The following CDYL2 variants were observed in gnomAD, a reference collection of about 807,000 sequenced individuals.
CDYL2 encodes chromodomain Y like 2.
Under a neutral mutation model 49.4 loss-of-function variants are expected in CDYL2, and 23 were observed. The ratio of observed to expected loss-of-function variants is 0.47; its 90% confidence interval spans 0.34 to 0.66. CDYL2 has a LOEUF of 0.66. Among genes scored for constraint, CDYL2 ranks in the 30% least tolerant of loss-of-function variants. CDYL2 has a pLI of 0.01. For missense variants in CDYL2, 678 were observed against 656.4 expected, an observed-to-expected ratio of 1.03 and a Z score of -0.36; for synonymous variants, 360 against 268.8, an observed-to-expected ratio of 1.34 and a Z score of -3.32.
In CDYL2 at chr16:80,601,745, T is replaced by C. The variant is rs1016279702; in HGVS notation, c.*2643A>G. The C allele has an allele frequency of 2.6e-5, 4 of 152,176 alleles. No homozygotes were observed. Among genetic ancestry groups the C allele is most frequent in the Non-Finnish European group, 2.9e-5 (2 of 68,040 alleles). 9.4% of individuals were successfully genotyped at this position (152,176 alleles called of 1,614,324 possible). ...AAAGATTTCACCTGCTTTCACCCAA[T>C]TGGTGGAACTGACTGTATGGAAACA... On this transcript the variant is annotated 3_prime_UTR_variant, in exon 7 of 7. Transcript: ENST00000570137.
At chr16:80,633,662 T>C (rs1033458533) in intron 2 of CDYL2, among the ~76,000 whole-genome samples, 1 of 152,104 alleles carries the variant, frequency 6.6e-6, no homozygotes, top group African/African-American at 2.4e-5. Context: ...CACCCTCAAA[T>C]ACATTCACGA....
intron 1 of CDYL2, among the ~76,000 whole-genome samples, chr16:80,748,508 A>T (rs1212264374): frequency 1.3e-5 from 1 of 74,838 alleles, no homozygotes; most frequent in Non-Finnish European, 2.8e-5. Context: ...AACTCCATTA[A>T]AAAAAAAAAA....
At chr16:80,609,617 C>T (rs1906505203) in intron 5 of CDYL2, among the ~76,000 whole-genome samples, 1 of 152,140 alleles carries the variant, frequency 6.6e-6, no homozygotes, top group African/African-American at 2.4e-5. Flanking sequence ...GGGCAAATGG[C>T]CATATCTGCT....
chr16:80,749,250 C>A (rs1906046000), intron 1 of CDYL2, among the ~76,000 whole-genome samples: 1 of 152,116 alleles, frequency 6.6e-6, no homozygotes, highest in Admixed American at 6.5e-5. Context: ...CTAGCAATGT[C>A]TTATTTAGGG....
intron 1 of CDYL2, among the ~76,000 whole-genome samples, chr16:80,706,905 T>C (rs909322515): frequency 6.6e-6 from 1 of 152,114 alleles, no homozygotes; most frequent in African/African-American, 2.4e-5. Context: ...GCCAACTGAC[T>C]CAGGTCAATC....
At chr16:80,802,557 T>C (rs1301295890) in intron 1 of CDYL2, among the ~76,000 whole-genome samples, 1 of 152,216 alleles carries the variant, frequency 6.6e-6, no homozygotes, top group East Asian at 1.9e-4. Flanking sequence ...CAACTTCACC[T>C]TGTCTCTTAG....
chr16:80,623,709 A>C (rs1907183697), intron 3 of CDYL2, among the ~76,000 whole-genome samples: 1 of 152,164 alleles, frequency 6.6e-6, no homozygotes, highest in Non-Finnish European at 1.5e-5. Context: ...ATGAATGACA[A>C]AATCAAAGTA....
intron 1 of CDYL2, among the ~76,000 whole-genome samples, chr16:80,766,770 G>C (rs1906741054): frequency 6.6e-6 from 1 of 152,154 alleles, no homozygotes; most frequent in Non-Finnish European, 1.5e-5. Flanking sequence ...CAAAAAGAAA[G>C]TGTAAAAAGC....
chr16:80,686,103 C>G (rs9927568), intron 1 of CDYL2, among the ~76,000 whole-genome samples: 85,487 of 152,100 alleles, frequency 0.56, 24,799 homozygotes, highest in Middle Eastern at 0.71. Context: ...GCACAGCTCG[C>G]AGGCGATACT....
Position 80,633,070 on chromosome 16 carries a change from C to G in CDYL2, c.783G>C (p.Thr261=), listed in dbSNP as rs148307202. 6.2e-7 allele frequency: 1 copy of G among 1,614,142 alleles called. No individual in the cohort carries two copies. The highest frequency in any genetic ancestry group is 8.5e-7 in the Non-Finnish European group (1 of 1,180,014). Residue 261 remains threonine, a synonymous_variant, in exon 3 of 7, where the codon ACG becomes ACC. Transcript: ENST00000570137. ...DIVVRKEEGF[T]HILLSSQTSD... ...AGGTCTGACTGGACAGCAGGATGTG[C>G]GTGAACCCTTCTTCCTTCCGCACAA...
chr16:80,611,238 G>A (rs567899296), intron 5 of CDYL2, among the ~76,000 whole-genome samples: 2 of 152,308 alleles, frequency 1.3e-5, no homozygotes, highest in East Asian at 1.9e-4. Context: ...CTCCTGGTGG[G>A]TGTGGCGAGC....
chr16:80,767,946 C>T (rs1201007612), intron 1 of CDYL2, among the ~76,000 whole-genome samples: 1 of 152,162 alleles, frequency 6.6e-6, no homozygotes, highest in Non-Finnish European at 1.5e-5. Context: ...AGCAACTTTA[C>T]GGATGCAGGG....
intron 4 of CDYL2, among the ~76,000 whole-genome samples, chr16:80,614,431 G>C (rs1301169793): frequency 6.6e-6 from 1 of 152,254 alleles, no homozygotes; most frequent in Non-Finnish European, 1.5e-5. Flanking sequence ...CGAGCCACAA[G>C]ATGGAAGAAG....
chr16:80,609,116 C>T (rs1297876275), intron 5 of CDYL2, among the ~76,000 whole-genome samples: 1 of 152,140 alleles, frequency 6.6e-6, no homozygotes, highest in Non-Finnish European at 1.5e-5. Flanking sequence ...ACCACACTCC[C>T]CAGAGAATTT....
At chr16:80,610,985 G>A (rs765862021) in intron 5 of CDYL2, among the ~76,000 whole-genome samples, 2 of 152,006 alleles carry the variant, frequency 1.3e-5, no homozygotes, top group Admixed American at 6.6e-5. Flanking sequence ...CTCATCCCTC[G>A]CCCTCTCCCC....
At chr16:80,648,102 A>G (rs372578025) in intron 2 of CDYL2, among the ~76,000 whole-genome samples, 1 of 152,140 alleles carries the variant, frequency 6.6e-6, no homozygotes, top group Non-Finnish European at 1.5e-5. Context: ...ATCTTAAAGA[A>G]CAAGAAAGCA....
chr16:80,679,390 G>C (rs1212500455), intron 2 of CDYL2, among the ~76,000 whole-genome samples: 3 of 152,146 alleles, frequency 2.0e-5, no homozygotes, highest in Non-Finnish European at 4.4e-5. Flanking sequence ...ATCAGGGCTT[G>C]GGGAAATTCT....
At chr16:80,655,068 G>A (rs1270659509) in intron 2 of CDYL2, among the ~76,000 whole-genome samples, 1 of 152,238 alleles carries the variant, frequency 6.6e-6, no homozygotes, top group African/African-American at 2.4e-5. Context: ...GGTGGGCGCA[G>A]GGTGTCACCA....
intron 1 of CDYL2, among the ~76,000 whole-genome samples, chr16:80,794,200 A>G (rs1398910258): frequency 6.6e-6 from 1 of 152,232 alleles, no homozygotes; most frequent in African/African-American, 2.4e-5. Flanking sequence ...TTAATACAAT[A>G]TAATGATACA....
Sources: allele counts gnomAD v4.1 joint callset (sites outside exome capture counted in the v4.1 genomes callset), GRCh38; gene constraint gnomAD v4.1.1; transcripts MANE v1.5; gene names NCBI Gene and HGNC (gene_info 2026-07-23, HGNC 2026-07-21).